Variants in SH3GLB2 observed in about 807,000 individuals in gnomAD.
SH3GLB2 encodes SH3 domain containing GRB2 like, endophilin B2.
Under a neutral mutation model 48.0 loss-of-function variants are expected in SH3GLB2, and 24 were observed. That is an observed-to-expected ratio of 0.50 (90% CI 0.36 to 0.70). SH3GLB2 has a LOEUF of 0.70. Ranked by LOEUF, SH3GLB2 falls within the 30% of genes least tolerant of loss-of-function variation. SH3GLB2 has a pLI of 0.00. For missense variants in SH3GLB2, 425 were observed against 516.0 expected, an observed-to-expected ratio of 0.82 and a Z score of 1.71; for synonymous variants, 227 against 207.6, an observed-to-expected ratio of 1.09 and a Z score of -0.80.
At position 129,009,092 on chromosome 9, in the gene SH3GLB2, G is replaced by A. The variant is rs749463778; in HGVS notation, c.1080+14C>T. 2.6e-5 allele frequency: 42 copies of A among 1,605,772 alleles called. No individual in the cohort carries two copies. Among genetic ancestry groups the A allele is most frequent in the East Asian group, 6.7e-5 (3 of 44,890 alleles). ...CCAGCCCATTCCTGCCCCACCTTGC[G>A]GCACCGGGCCCACCTCATCAGCCAG... On this transcript the variant is annotated intron_variant, in intron 10 of 10. Transcript: ENST00000372564.
chr9:129,022,023 C>T (rs1843839330), intron 2 of SH3GLB2, among the ~76,000 whole-genome samples: 2 of 151,982 alleles, frequency 1.3e-5, no homozygotes, highest in Admixed American at 1.3e-4. Context: ...GCCTCTTCTC[C>T]CACGTGTGTT....
Position 129,028,091 on chromosome 9 carries a change from C to A in SH3GLB2, c.63+1G>T. ...GCGCACGGCGCGACGCCAGGCCTCA[C>A]CTGCACCGCCCGGGTGAAGAAGATG... On this transcript the variant is annotated splice_donor_variant, in intron 1 of 10. Coordinates refer to ENST00000372564, the MANE Select transcript of SH3GLB2 (RefSeq NM_020145.4). LOFTEE classifies it high-confidence loss of function. The A allele has an allele frequency of 6.7e-7, 1 of 1,502,816 alleles. No individual in the cohort carries two copies. Among genetic ancestry groups the A allele is most frequent in the African/African-American group, 1.5e-5 (1 of 68,626 alleles). 93.1% of individuals were successfully genotyped at this position (1,502,816 alleles called of 1,614,324 possible).
intron 3 of SH3GLB2, among the ~76,000 whole-genome samples, chr9:129,016,295 G>A (rs1400240396): frequency 8.4e-5 from 11 of 130,822 alleles, no homozygotes; most frequent in Admixed American, 9.0e-5. Flanking sequence ...GTGAGCCAAC[G>A]TCACACCACT....
At chr9:129,025,709 A>G (rs914328582) in intron 1 of SH3GLB2, among the ~76,000 whole-genome samples, 1 of 151,264 alleles carries the variant, frequency 6.6e-6, no homozygotes, top group Non-Finnish European at 1.5e-5. Flanking sequence ...TACCAAGGGC[A>G]TCACCCTAAA....
At chr9:129,023,913 G>C (rs1331998052) in intron 1 of SH3GLB2, among the ~76,000 whole-genome samples, 2 of 151,820 alleles carry the variant, frequency 1.3e-5, no homozygotes, top group African/African-American at 4.8e-5. Flanking sequence ...AGATTTCCTC[G>C]TGGCTCTATT....
At chr9:129,009,950 AC>A in intron 8 of SH3GLB2, 79 bp from the exon 9 acceptor site, 1 of 1,448,720 alleles carries the variant, frequency 6.9e-7, no homozygotes, top group Non-Finnish European at 9.6e-7. Flanking sequence ...CCCGTCCTCT[AC>A]CAGACCTTGC....
chr9:129,011,226 A>C lies in SH3GLB2; in HGVS notation c.625-533T>G. On this transcript the variant is annotated intron_variant, in intron 6 of 10. Transcript: ENST00000372564. This position sits in a 1 kb window ranked among gnomAD's most constrained non-coding sequence, Gnocchi z 4.5. ...AAGTGGCATCCAGACCCTGAAGAAG[A>C]AAGACGCTGCCCGGCCACGACCAGG... 1 of 153,168 alleles carries C rather than the reference A, an allele frequency of 6.5e-6. No homozygotes were observed. Among genetic ancestry groups the C allele is most frequent in the Non-Finnish European group, 1.5e-5 (1 of 68,704 alleles). The allele number at this position is 153,168 out of a possible 1,614,324, so 9.5% of individuals were successfully genotyped here.
chr9:129,016,690 G>A (rs1843446832), intron 3 of SH3GLB2, among the ~76,000 whole-genome samples: 1 of 151,772 alleles, frequency 6.6e-6, no homozygotes, highest in Admixed American at 6.6e-5. Context: ...GACATGAATG[G>A]GCTGAAAAAA....
In SH3GLB2 at chr9:129,007,887, C is replaced by T. The variant is rs1842853721; in HGVS notation, c.*797G>A. The T allele has an allele frequency of 6.6e-6, 1 of 152,238 alleles. No homozygotes were observed. Among genetic ancestry groups the T allele is most frequent in the African/African-American group, 2.4e-5 (1 of 41,452 alleles). The allele number at this position is 152,238 out of a possible 1,614,324, so 9.4% of individuals were successfully genotyped here. A position where few individuals can be genotyped will look rare whatever the true frequency, so the allele number is the denominator to read the frequency against. On this transcript the variant is annotated 3_prime_UTR_variant, in exon 11 of 11. Coordinates refer to ENST00000372564, the MANE Select transcript of SH3GLB2 (RefSeq NM_020145.4). ...TGAGAGGCACAGGCCCCGCAGAAGA[C>T]AGGGAGGGCTGCACTTCTTCCCAAC... is the stretch of plus-strand genomic sequence containing the variant.
chr9:129,013,329 C>T (rs576305257), intron 5 of SH3GLB2: 67 of 454,070 alleles, frequency 1.5e-4, no homozygotes, highest in African/African-American at 1.1e-3. Context: ...GGAGAGGCCA[C>T]ACCACTGCAA....
intron 5 of SH3GLB2, 57 bp from the exon 6 acceptor site, chr9:129,012,355 C>A: frequency 5.2e-6 from 6 of 1,153,852 alleles, no homozygotes; most frequent in Non-Finnish European, 6.7e-6. Context: ...GGGCCAGGGT[C>A]GAGGTCAGGA....
At chr9:129,012,144 C>A in intron 6 of SH3GLB2, 92 bp downstream of exon 6, 2 of 736,002 alleles carry the variant, frequency 2.7e-6, no homozygotes, top group South Asian at 6.4e-5. Context: ...CTTACCCAAG[C>A]TGGCTTCTAG....
chr9:129,027,520 G>A (rs1232619882), intron 1 of SH3GLB2, among the ~76,000 whole-genome samples: 1 of 152,104 alleles, frequency 6.6e-6, no homozygotes, highest in East Asian at 1.9e-4. Context: ...CCAGACCCCA[G>A]CCCTCTCTCC....
chr9:129,012,347 G>A, intron 5 of SH3GLB2, 49 bp from the exon 6 acceptor site: 1 of 1,204,274 alleles, frequency 8.3e-7, no homozygotes, highest in South Asian at 3.6e-5. Context: ...CTGGGCCAGG[G>A]CCAGGGTCGA....
intron 6 of SH3GLB2, 28 bp downstream of exon 6, chr9:129,012,208 G>A (rs1461411423): frequency 1.6e-6 from 2 of 1,239,292 alleles, no homozygotes; most frequent in East Asian, 3.1e-5. Context: ...GGAGGACGAG[G>A]GGTGGGGTGG....
intron 2 of SH3GLB2, 86 bp downstream of exon 2, chr9:129,022,196 C>A (rs1266534853): frequency 1.3e-6 from 2 of 1,549,052 alleles, no homozygotes; most frequent in Non-Finnish European, 1.7e-6. Flanking sequence ...AGCCCCGCCC[C>A]ACCTATGCCA....
chr9:129,010,816 C>G (rs995253644), intron 6 of SH3GLB2, 123 bp from the exon 7 acceptor site: 10 of 1,240,794 alleles, frequency 8.1e-6, no homozygotes, highest in African/African-American at 1.5e-5. Flanking sequence ...TCTGCCCCCC[C>G]TCCCAAACAG....
At chr9:129,016,652 A>G (rs557071335) in intron 3 of SH3GLB2, among the ~76,000 whole-genome samples, 14 of 152,190 alleles carry the variant, frequency 9.2e-5, no homozygotes, top group African/African-American at 3.4e-4. Flanking sequence ...AAAAAAAAAA[A>G]AATCCAAAGA....
Position 129,010,673 on chromosome 9 carries a change from G to A in SH3GLB2, c.645C>T (p.Asp215=). The A allele has an allele frequency of 1.2e-6, 2 of 1,613,734 alleles. No homozygotes were observed. Among genetic ancestry groups the A allele is most frequent in the Non-Finnish European group, 1.7e-6 (2 of 1,179,914 alleles). Reference sequence around the variant, plus strand: ...AGCCCCCCAGGCCCCAACTTACCTTGTCCACTTCATCATTCCAGAGCTGTG... The same window carrying A: ...AGCCCCCCAGGCCCCAACTTACCTTATCCACTTCATCATTCCAGAGCTGTG... ...SASALWNDEV[D]KAEQELRVAQ... The change falls in exon 7 of 11, where the codon GAC becomes GAT. Residue 215 remains aspartate (D), a synonymous_variant. Coordinates refer to ENST00000372564, the MANE Select transcript of SH3GLB2 (RefSeq NM_020145.4).
Sources: allele counts gnomAD v4.1 joint callset (sites outside exome capture counted in the v4.1 genomes callset), GRCh38; gene constraint gnomAD v4.1.1; non-coding constraint Gnocchi (gnomAD v3.1); transcripts MANE v1.5; gene names NCBI Gene and HGNC (gene_info 2026-07-23, HGNC 2026-07-21).